ZBBX: variants seen among roughly 807,000 people sequenced by gnomAD.
ZBBX encodes zinc finger B-box domain containing.
Under a neutral mutation model 108.5 loss-of-function variants are expected in ZBBX, and 101 were observed. The ratio of observed to expected loss-of-function variants is 0.93; its 90% confidence interval spans 0.79 to 1.10. The LOEUF is 1.10. ZBBX is among the 50% of genes least tolerant of loss of function. ZBBX has a pLI of 0.00. For missense variants in ZBBX, 1,009 were observed against 941.4 expected (o/e 1.07, Z -0.94); for synonymous variants, 356 against 323.4 (o/e 1.10, Z -1.08).
chr3:167,279,786 C>A, intron 20 of ZBBX, among the ~76,000 whole-genome samples: 1 of 152,080 alleles, frequency 6.6e-6, no homozygotes, highest in Non-Finnish European at 1.5e-5. Flanking sequence ...GCCCGCATCG[C>A]CAAGTCAATC....
At chr3:167,180,215 G>A in the ZBBX span, among the ~76,000 whole-genome samples, 1 of 152,290 alleles carries the variant, frequency 6.6e-6, no homozygotes, top group African/African-American at 2.4e-5. Flanking sequence ...TCAATTAGCT[G>A]TAACTCTGCC....
At chr3:167,311,215 C>A (rs1734533929) in intron 16 of ZBBX, among the ~76,000 whole-genome samples, 1 of 152,124 alleles carries the variant, frequency 6.6e-6, no homozygotes, top group African/African-American at 2.4e-5. Context: ...AAAATATAAT[C>A]TGTTAAGCAA....
chr3:167,380,579 C>G (rs1003903301), upstream of ZBBX, among the ~76,000 whole-genome samples: 6 of 152,122 alleles, frequency 3.9e-5, no homozygotes, highest in African/African-American at 1.4e-4. Context: ...GATTCTTCCT[C>G]ATAGCAAGCC....
At chr3:167,330,786 GAAGA>G (rs1738306632) in intron 10 of ZBBX, among the ~76,000 whole-genome samples, 1 of 54,160 alleles carries the variant, frequency 1.8e-5, no homozygotes, top group Non-Finnish European at 3.8e-5. Flanking sequence ...AAAAGGAGAA[GAAGA>G]AAGAAGAAGA....
chr3:167,211,009 G>A, the ZBBX span, among the ~76,000 whole-genome samples: 1 of 152,160 alleles, frequency 6.6e-6, no homozygotes, highest in Non-Finnish European at 1.5e-5. Flanking sequence ...AGCAGCTAGT[G>A]TGTGTGATTC....
chr3:167,244,947 T>A (rs1721296593), intron 20 of ZBBX, among the ~76,000 whole-genome samples: 1 of 151,994 alleles, frequency 6.6e-6, no homozygotes, highest in Non-Finnish European at 1.5e-5. Flanking sequence ...AACACATACA[T>A]AAAACTATAT....
intron 8 of ZBBX, among the ~76,000 whole-genome samples, chr3:167,353,356 T>A (rs1396009891): frequency 2.0e-5 from 3 of 152,116 alleles, no homozygotes; most frequent in African/African-American, 7.2e-5. Context: ...AGGAACTAGA[T>A]GGAGGCCATT....
chr3:167,338,562 A>G (rs1234568075), intron 9 of ZBBX, among the ~76,000 whole-genome samples: 1 of 151,892 alleles, frequency 6.6e-6, no homozygotes, highest in Non-Finnish European at 1.5e-5. Flanking sequence ...AAGTTCACAC[A>G]TAGTTTAGAC....
chr3:167,281,635 T>C (rs149404981), intron 20 of ZBBX, among the ~76,000 whole-genome samples: 1 of 152,308 alleles, frequency 6.6e-6, no homozygotes, highest in East Asian at 1.9e-4. Context: ...TTCAAGAATA[T>C]GGTCACTATA....
chr3:167,280,706 G>A (rs1728638119), intron 20 of ZBBX, among the ~76,000 whole-genome samples: 1 of 151,216 alleles, frequency 6.6e-6, no homozygotes, highest in South Asian at 2.1e-4. Flanking sequence ...CGATTCCTCA[G>A]TGATCTAGAA....
At chr3:167,183,328 G>T in the ZBBX span, among the ~76,000 whole-genome samples, 5 of 152,208 alleles carry the variant, frequency 3.3e-5, no homozygotes, top group African/African-American at 1.2e-4. Context: ...TTGCTTAAGA[G>T]TACTCGGGTG....
At chr3:167,179,532 TA>T in the ZBBX span, among the ~76,000 whole-genome samples, 1 of 152,240 alleles carries the variant, frequency 6.6e-6, no homozygotes, top group African/African-American at 2.4e-5. Flanking sequence ...TGCAATTGGG[TA>T]AATAAAGTCA....
intron 19 of ZBBX, 171 bp from the exon 20 acceptor site, chr3:167,282,666 TC>T: frequency 1.8e-6 from 1 of 559,532 alleles, no homozygotes; most frequent in Non-Finnish European, 3.1e-6. Context: ...TTTCTTAATC[TC>T]AAATTACTTT....
At chr3:167,225,386 G>T in the ZBBX span, among the ~76,000 whole-genome samples, 17 of 151,874 alleles carry the variant, frequency 1.1e-4, no homozygotes, top group South Asian at 4.1e-4. Flanking sequence ...TAACAACTAG[G>T]TTCCTAAATT....
At chr3:167,333,774 C>A (rs892002609) in intron 10 of ZBBX, 53 bp downstream of exon 10, 2 of 1,405,042 alleles carry the variant, frequency 1.4e-6, no homozygotes, top group Non-Finnish European at 1.9e-6. Context: ...ATGAATGGCA[C>A]CTGCCATAGT....
At chr3:167,194,016 A>G in the ZBBX span, among the ~76,000 whole-genome samples, 8 of 152,026 alleles carry the variant, frequency 5.3e-5, no homozygotes, top group African/African-American at 9.7e-5. Flanking sequence ...GGGTACAAAC[A>G]TAAAGTTAGA....
the ZBBX span, among the ~76,000 whole-genome samples, chr3:167,205,798 G>A: frequency 2.6e-5 from 4 of 152,182 alleles, no homozygotes; most frequent in African/African-American, 4.8e-5. Flanking sequence ...TTACATCTCA[G>A]AATAAAATAG....
intron 19 of ZBBX, among the ~76,000 whole-genome samples, chr3:167,288,354 A>G (rs1730080542): frequency 6.6e-6 from 1 of 152,184 alleles, no homozygotes; most frequent in African/African-American, 2.4e-5. Flanking sequence ...TGTTTAGAGA[A>G]TAGAGGTAAT....
intron 20 of ZBBX, among the ~76,000 whole-genome samples, chr3:167,275,691 G>A (rs948679071): frequency 2.6e-5 from 4 of 152,038 alleles, no homozygotes; most frequent in African/African-American, 9.7e-5. Context: ...AGGTGGCAGC[G>A]AGGCTGGGGG....
Sources: gnomAD v4.1 joint callset for allele counts (sites outside exome capture counted in the v4.1 genomes callset) on GRCh38, gnomAD v4.1.1 for gene constraint, MANE v1.5 for transcripts, NCBI Gene and HGNC (gene_info 2026-07-23, HGNC 2026-07-21) for gene names.